The following WASHC5 variants were observed in gnomAD, a reference collection of about 807,000 sequenced individuals.
WASHC5 encodes WASH complex subunit strumpellin.
Under a neutral mutation model 150.4 loss-of-function variants are expected in WASHC5, and 101 were observed. The observed-to-expected ratio is 0.67, with a 90% confidence interval of 0.57 to 0.79. The LOEUF (loss-of-function observed/expected upper bound fraction) is 0.79, where lower values mean the gene tolerates loss of function less well. Among genes scored for constraint, WASHC5 ranks in the 30% least tolerant of loss-of-function variants. WASHC5 has a pLI of 0.00. For synonymous variants in WASHC5, 467 were observed against 491.2 expected, an observed-to-expected ratio of 0.95 and a Z score of 0.65; for missense variants, 1,195 against 1,396.3, an observed-to-expected ratio of 0.86 and a Z score of 2.30.
intron 28 of WASHC5, among the ~76,000 whole-genome samples, chr8:125,028,014 T>C (rs1280493017): frequency 6.6e-6 from 1 of 152,242 alleles, no homozygotes; most frequent in Admixed American, 6.5e-5. Flanking sequence ...GCTCATGTTG[T>C]AAGAAAGTAT....
intron 17 of WASHC5, among the ~76,000 whole-genome samples, chr8:125,053,710 A>C (rs1278495495): frequency 6.6e-6 from 1 of 152,130 alleles, no homozygotes; most frequent in African/African-American, 2.4e-5. Flanking sequence ...AATAATGCAA[A>C]TATTAATATG....
chr8:125,044,156 A>G (rs945932630), intron 21 of WASHC5, 62 bp from the exon 22 acceptor site: 1 of 1,106,836 alleles, frequency 9.0e-7, no homozygotes, highest in African/African-American at 1.5e-5. Context: ...CAAATTCTCC[A>G]GTTACCTAAA....
intron 9 of WASHC5, among the ~76,000 whole-genome samples, chr8:125,069,575 G>A (rs1197538976): frequency 2.0e-5 from 3 of 152,154 alleles, no homozygotes; most frequent in African/African-American, 7.2e-5. Context: ...TATATGTCAT[G>A]GGTGGTTTTG....
chr8:125,070,545 C>T (rs1340285878), intron 9 of WASHC5, among the ~76,000 whole-genome samples: 1 of 152,192 alleles, frequency 6.6e-6, no homozygotes, highest in East Asian at 1.9e-4. Context: ...CACTAGAAAA[C>T]CCCAGTTGGT....
intron 23 of WASHC5, among the ~76,000 whole-genome samples, chr8:125,042,571 T>C (rs1815924451): frequency 6.6e-6 from 1 of 152,196 alleles, no homozygotes; most frequent in African/African-American, 2.4e-5. Flanking sequence ...ATAGTTGGAA[T>C]AGCTACTGGA....
At chr8:125,042,682 C>T (rs1258292009) in intron 23 of WASHC5, among the ~76,000 whole-genome samples, 1 of 152,166 alleles carries the variant, frequency 6.6e-6, no homozygotes, top group South Asian at 2.1e-4. Flanking sequence ...TCACACCTGT[C>T]CAAACTCGGG....
At chr8:125,068,082 G>A (rs184848014) in intron 9 of WASHC5, among the ~76,000 whole-genome samples, 2 of 152,278 alleles carry the variant, frequency 1.3e-5, no homozygotes, top group African/African-American at 4.8e-5. Context: ...CTCACGTCCT[G>A]TCTGTTCGGA....
At chr8:125,082,011 C>T (rs1817279787) in intron 4 of WASHC5, among the ~76,000 whole-genome samples, 1 of 152,176 alleles carries the variant, frequency 6.6e-6, no homozygotes. Context: ...TTGCTTGGGA[C>T]ACCAAAATAG....
chr8:125,079,135 T>TATATATATATATATAA (rs35442808), intron 5 of WASHC5, among the ~76,000 whole-genome samples: 1 of 117,486 alleles, frequency 8.5e-6, no homozygotes, highest in East Asian at 2.5e-4. Context: ...TATATATATA[T>TATATATATATATATAA]ATATACATTT....
At chr8:125,079,481 G>A (rs1424441103) in intron 5 of WASHC5, among the ~76,000 whole-genome samples, 3 of 152,038 alleles carry the variant, frequency 2.0e-5, no homozygotes, top group African/African-American at 7.2e-5. Context: ...GTGAGCCACT[G>A]TGCCCGGCCT....
chr8:125,051,131 G>A (rs373936413), intron 17 of WASHC5, among the ~76,000 whole-genome samples: 20 of 152,114 alleles, frequency 1.3e-4, no homozygotes, highest in African/African-American at 4.6e-4. Context: ...ATTTGAGGTC[G>A]GGCCACTCTG....
At position 125,049,470 on chromosome 8, in the gene WASHC5, C is replaced by T. The variant is rs10103150; in HGVS notation, c.2200-285G>A. On this transcript the variant is annotated intron_variant, in intron 18 of 28. Transcript: ENST00000318410. ...CTACTTGGGAGGCTGAGGCAGGGAA[C>T]TGCTTGAACCTGGGAGGCGGAGGCT... 0.33 allele frequency among the ~76,000 whole-genome samples: 49,277 copies of T among 150,870 alleles called. 9,392 individuals carry two copies. The highest frequency in any genetic ancestry group is 0.52 in the African/African-American group (21,279 of 40,630).
At chr8:125,088,248 C>A (rs1162003268) in intron 1 of WASHC5, among the ~76,000 whole-genome samples, 3,997 of 151,612 alleles carry the variant, frequency 0.026, 197 homozygotes, top group African/African-American at 0.093. Context: ...GAGCCGGGAT[C>A]ACCCCGGCTC....
At chr8:125,043,277 C>T (rs1037115804) in intron 23 of WASHC5, among the ~76,000 whole-genome samples, 6 of 152,220 alleles carry the variant, frequency 3.9e-5, no homozygotes, top group African/African-American at 1.4e-4. Context: ...AGGCAGGAAA[C>T]TAGGCAGCTG....
At chr8:125,047,084 T>C in intron 20 of WASHC5, 123 bp downstream of exon 20, 6 of 1,212,440 alleles carry the variant, frequency 4.9e-6, no homozygotes, top group Non-Finnish European at 7.3e-6. Context: ...CCCTAAAGGG[T>C]CAGAATATGA....
At chr8:125,025,843 C>T (rs1586326711) in intron 28 of WASHC5, among the ~76,000 whole-genome samples, 2 of 151,896 alleles carry the variant, frequency 1.3e-5, no homozygotes, top group African/African-American at 2.4e-5. Flanking sequence ...GACACACACA[C>T]ACACACACAC....
At chr8:125,076,763 T>C (rs980695576) in intron 6 of WASHC5, among the ~76,000 whole-genome samples, 9 of 120,948 alleles carry the variant, frequency 7.4e-5, no homozygotes, top group African/African-American at 4.2e-4. Context: ...AAAAAAAAAG[T>C]CCCATTCCTG....
chr8:125,051,419 C>G (rs942034176), intron 17 of WASHC5, among the ~76,000 whole-genome samples: 4 of 152,168 alleles, frequency 2.6e-5, no homozygotes, highest in African/African-American at 9.7e-5. Flanking sequence ...TGGGTTCCAT[C>G]CAGTTTTGAT....
At chr8:125,032,718 A>T (rs902126389) in intron 26 of WASHC5, 1 of 353,688 alleles carries the variant, frequency 2.8e-6, no homozygotes, top group South Asian at 2.4e-5. Flanking sequence ...AAAAAAAATC[A>T]CTACAACTGA....
Sources: gnomAD v4.1 joint callset for allele counts (sites outside exome capture counted in the v4.1 genomes callset) on GRCh38, gnomAD v4.1.1 for gene constraint, MANE v1.5 for transcripts, NCBI Gene and HGNC (gene_info 2026-07-23, HGNC 2026-07-21) for gene names.